IZUMO4: variants seen among roughly 807,000 people sequenced by gnomAD.
The protein encoded by IZUMO4 is izumo sperm-egg fusion protein 4.
A neutral mutation model predicts 37.1 loss-of-function variants in IZUMO4; 51 were observed. The ratio of observed to expected loss-of-function variants is 1.38; its 90% confidence interval spans 1.10 to 1.74. The LOEUF is 1.74. Among genes scored for constraint, IZUMO4 ranks in the 40% most tolerant of loss-of-function variants. The pLI, the probability that IZUMO4 is intolerant of heterozygous loss-of-function variation, is 0.00. For synonymous variants in IZUMO4, 162 were observed against 121.4 expected (o/e 1.33, Z -2.20); for missense variants, 364 against 299.6 (o/e 1.21, Z -1.59).
rs551270226 is a variant in IZUMO4, at chr19:2,098,253, A to G, written c.474-34A>G. ...TCGGGTAGGGCGGGGCCGTGGGTTC[A>G]GGGGCGCACCACTTCCAAGCCTGTG... On this transcript the variant is annotated intron_variant, in intron 5 of 9. Coordinates refer to ENST00000395301, the MANE Select transcript of IZUMO4 (RefSeq NM_001039846.2). 5.2e-5 allele frequency: 84 copies of G among 1,613,388 alleles called. 1 individual carries two copies. The South Asian group carries it at 8.3e-4, about 16-fold the overall frequency.
chr19:2,099,082 C>T lies in IZUMO4; in HGVS notation c.608+53C>T, dbSNP rs989078324. ...GGGAGAAGGGGTGCTCGTAAGCCAA[C>T]ACCAGCGTGCCGCGGCCTGCACACC... On this transcript the variant is annotated intron_variant, in intron 9 of 9. Transcript: ENST00000395301. The T allele has an allele frequency of 1.2e-5, 18 of 1,545,364 alleles. No individual in the cohort carries two copies. In the African/African-American group the frequency reaches 1.4e-4, roughly 12 times the overall value.
At chr19:2,097,685 CT>C in intron 3 of IZUMO4, 190 bp downstream of exon 3, 1 of 700,344 alleles carries the variant, frequency 1.4e-6, no homozygotes, top group Non-Finnish European at 2.5e-6. Flanking sequence ...GGGACCTCCC[CT>C]AAGTAGCCCC....
intron 9 of IZUMO4, 21 bp downstream of exon 9, chr19:2,099,050 A>G (rs781510924): frequency 2.5e-5 from 40 of 1,609,788 alleles, no homozygotes; most frequent in African/African-American, 4.0e-5. Flanking sequence ...CAGAGAAGGG[A>G]GGCCTCGGGA....
Position 2,098,996 on chromosome 19 carries a change from C to T in IZUMO4, c.575C>T (p.Ser192Phe), listed in dbSNP as rs1163734633. Residue 192 changes from serine to phenylalanine, a missense_variant, in exon 9 of 10, where the codon TCC becomes TTC. Transcript: ENST00000395301. ...TSMRPRSSAF[S>F]WPGTHRATPA... is the part of the protein sequence containing the mutation. The stretch of plus-strand genomic sequence containing the variant: ...AACAGACCACGCTCCTCTGCCTTCT[C>T]CTGGCCTGGGACACACAGAGCCACC... The T allele has an allele frequency of 3.1e-6, 5 of 1,613,104 alleles. No homozygotes were observed. Among genetic ancestry groups the T allele is most frequent in the Non-Finnish European group, 3.4e-6 (4 of 1,179,990 alleles).
intron 3 of IZUMO4, 169 bp from the exon 4 acceptor site, chr19:2,097,760 C>A: frequency 1.2e-6 from 1 of 844,358 alleles, no homozygotes; most frequent in South Asian, 1.6e-5. Context: ...CGCTGGGGGT[C>A]AACCTGGGGA....
rs773147381 is a variant in IZUMO4 at position 2,099,077 on chromosome 19, G to A, written c.608+48G>A. On this transcript the variant is annotated intron_variant, in intron 9 of 9. Coordinates refer to ENST00000395301, the MANE Select transcript of IZUMO4 (RefSeq NM_001039846.2). The stretch of plus-strand genomic sequence containing the variant: ...GCCTCGGGAGAAGGGGTGCTCGTAA[G>A]CCAACACCAGCGTGCCGCGGCCTGC... The A allele has an allele frequency of 2.8e-5, 43 of 1,561,488 alleles. 1 individual carries two copies. The highest frequency in any genetic ancestry group is 3.4e-5 in the Non-Finnish European group (38 of 1,133,608).
In IZUMO4 at chr19:2,098,395, G is replaced by A. The variant is rs777622946; in HGVS notation, c.522-41G>A. ...GGGCCTGGGAGGGAACACTGGCCAC[G>A]GCCACTCGGCCTCCTGAGTCCAAAC... On this transcript the variant is annotated intron_variant, in intron 6 of 9. Coordinates refer to ENST00000395301, the MANE Select transcript of IZUMO4 (RefSeq NM_001039846.2). The A allele has an allele frequency of 4.5e-5, 73 of 1,613,890 alleles. No homozygotes were observed. The East Asian group carries it at 9.4e-4, about 21-fold the overall frequency.
chr19:2,097,694 C>T (rs752044094), intron 3 of IZUMO4, 199 bp downstream of exon 3: 9 of 688,778 alleles, frequency 1.3e-5, no homozygotes, highest in Non-Finnish European at 1.3e-5. Context: ...CCTAAGTAGC[C>T]CCCAGAGGCG....
Position 2,097,019 on chromosome 19 carries a change from T to C in IZUMO4, c.74T>C (p.Phe25Ser). ...GGCTGTCTGCACTGCCACAGCAACT[T>C]CTCCAAGAAGTTCTCCTTCTACCGC... is the stretch of plus-strand genomic sequence containing the variant. ...AHGCLHCHSNFSKKFSFYRHH... is the reference protein window; with the variant it reads ...AHGCLHCHSNSSKKFSFYRHH... Residue 25 changes from phenylalanine (F) to serine (S), a missense_variant, in exon 1 of 10, where the codon TTC becomes TCC. Coordinates refer to ENST00000395301, the MANE Select transcript of IZUMO4 (RefSeq NM_001039846.2). The C allele has an allele frequency of 6.2e-7, 1 of 1,612,018 alleles. No individual in the cohort carries two copies. Among genetic ancestry groups the C allele is most frequent in the South Asian group, 1.1e-5 (1 of 91,082 alleles).
At chr19:2,099,161 C>T (rs1445152459) in intron 9 of IZUMO4, 94 bp from the exon 10 acceptor site, 2 of 1,389,250 alleles carry the variant, frequency 1.4e-6, no homozygotes, top group African/African-American at 1.4e-5. Flanking sequence ...CATAGGACCA[C>T]ACGTCCCAGC....
Position 2,099,487 on chromosome 19 carries a change from G to A in IZUMO4, c.*142G>A. ...AGAGCTGAGCTGGCCAGGGCCAGGA[G>A]GGCGGGAGGGAGGGAATGGGGGTGG... On this transcript the variant is annotated 3_prime_UTR_variant, in exon 10 of 10. Transcript: ENST00000395301. The A allele has an allele frequency of 3.4e-6, 2 of 596,384 alleles. No homozygotes were observed. Among genetic ancestry groups the A allele is most frequent in the South Asian group, 1.8e-5 (1 of 55,856 alleles). The allele number at this position is 596,384 out of a possible 1,614,324, so 36.9% of individuals were successfully genotyped here. A position where few individuals can be genotyped will look rare whatever the true frequency, so the allele number is the denominator to read the frequency against.
intron 8 of IZUMO4, 75 bp from the exon 9 acceptor site, chr19:2,098,901 G>C (rs185411014): frequency 1.3e-5 from 20 of 1,580,968 alleles, no homozygotes; most frequent in Non-Finnish European, 1.6e-5. Context: ...ACTGCAGGTG[G>C]GGCTCTCCCT....
chr19:2,098,916 C>T, intron 8 of IZUMO4, 60 bp from the exon 9 acceptor site: 3 of 1,593,218 alleles, frequency 1.9e-6, no homozygotes, highest in Non-Finnish European at 2.6e-6. Flanking sequence ...CTCCCTATAC[C>T]TGGGACACCT....
Position 2,099,504 on chromosome 19 carries a change from T to C in IZUMO4, c.*159T>C, listed in dbSNP as rs2017858457. On this transcript the variant is annotated 3_prime_UTR_variant, in exon 10 of 10. Coordinates refer to ENST00000395301, the MANE Select transcript of IZUMO4 (RefSeq NM_001039846.2). ...GGCCAGGAGGGCGGGAGGGAGGGAA[T>C]GGGGGTGGGCTGTGCGCAGCATCAG... The C allele has an allele frequency of 6.5e-6, 3 of 460,176 alleles. No homozygotes were observed. The highest frequency in any genetic ancestry group is 5.9e-5 in the Admixed American group (2 of 33,926). 28.5% of individuals were successfully genotyped at this position (460,176 alleles called of 1,614,324 possible).
In IZUMO4 at chr19:2,099,355, G is replaced by T. The variant is rs772187164; in HGVS notation, c.*10G>T. ...TCTCAAGCAGCACTGACAGCAGCTG[G>T]GCCTGCCCCAGGGCAACGTGGGGGC... On this transcript the variant is annotated 3_prime_UTR_variant, in exon 10 of 10. Transcript: ENST00000395301. The T allele has an allele frequency of 6.2e-7, 1 of 1,605,460 alleles. No individual in the cohort carries two copies. Among genetic ancestry groups the T allele is most frequent in the Non-Finnish European group, 8.5e-7 (1 of 1,174,844 alleles).
In IZUMO4 at chr19:2,097,975, G is replaced by A. The variant is rs1414686271; in HGVS notation, c.397+20G>A. ...GCTGTGGTAAGCAAGGCTCCGTCCA[G>A]GCTGAGGGGCGTGCCGGTGGCAGCT... is the stretch of plus-strand genomic sequence containing the variant. On this transcript the variant is annotated intron_variant, in intron 4 of 9. Transcript: ENST00000395301. 4 of 1,613,246 alleles carry A rather than the reference G, an allele frequency of 2.5e-6. No homozygotes were observed. Among genetic ancestry groups the A allele is most frequent in the Non-Finnish European group, 3.4e-6 (4 of 1,179,940 alleles).
chr19:2,098,952 C>T (rs2017815061), intron 8 of IZUMO4, 24 bp from the exon 9 acceptor site: 1 of 1,610,020 alleles, frequency 6.2e-7, no homozygotes, highest in African/African-American at 1.3e-5. Context: ...TGCAACCACA[C>T]CCATGTGGTG....
intron 3 of IZUMO4, 172 bp from the exon 4 acceptor site, chr19:2,097,757 G>A: frequency 2.5e-6 from 2 of 804,940 alleles, no homozygotes; most frequent in Admixed American, 2.6e-5. Flanking sequence ...TCACGCTGGG[G>A]GTCAACCTGG....
At position 2,097,017 on chromosome 19, in the gene IZUMO4, C is replaced by T. The variant is rs111870641; in HGVS notation, c.72C>T (p.Asn24=). The T allele has an allele frequency of 6.2e-7, 1 of 1,612,004 alleles. No individual in the cohort carries two copies. Residue 24 remains asparagine (N), a synonymous_variant, in exon 1 of 10, where the codon AAC becomes AAT. Coordinates refer to ENST00000395301, the MANE Select transcript of IZUMO4 (RefSeq NM_001039846.2). ...LAHGCLHCHS[N]FSKKFSFYRH... is the part of the protein sequence containing the mutation. Reference sequence around the variant, plus strand: ...ACGGCTGTCTGCACTGCCACAGCAACTTCTCCAAGAAGTTCTCCTTCTACC... The same window carrying T: ...ACGGCTGTCTGCACTGCCACAGCAATTTCTCCAAGAAGTTCTCCTTCTACC...
Sources: gnomAD v4.1 joint callset for allele counts on GRCh38, gnomAD v4.1.1 for gene constraint, MANE v1.5 for transcripts, NCBI Gene and HGNC (gene_info 2026-07-23, HGNC 2026-07-21) for gene names.